CNN2: variants seen among roughly 807,000 people sequenced by gnomAD.
The protein encoded by CNN2 is calponin-2.
A neutral mutation model predicts 31.0 loss-of-function variants in CNN2; 21 were observed. The observed-to-expected ratio is 0.68, with a 90% CI of 0.48 to 0.98. The LOEUF is 0.98. Among genes scored for constraint, CNN2 ranks in the 50% least tolerant of loss-of-function variants. CNN2 has a pLI of 0.00. For synonymous variants in CNN2, 165 were observed against 179.6 expected (o/e 0.92, Z 0.65); for missense variants, 399 against 427.3 (o/e 0.93, Z 0.58).
In CNN2 at chr19:1,036,401, C is replaced by T. The variant is rs370696079; in HGVS notation, c.508-15C>T. 20 of 1,611,774 alleles carry T rather than the reference C, an allele frequency of 1.2e-5. No individual in the cohort carries two copies. The highest frequency in any genetic ancestry group is 4.5e-5 in the East Asian group (2 of 44,826). ...GTTGGGTGCAGTCTGACCTCTCCCACGAACCTCCCTGCAGATGGGCACCAA... is the reference window on the plus strand; with the variant it reads ...GTTGGGTGCAGTCTGACCTCTCCCATGAACCTCCCTGCAGATGGGCACCAA... On this transcript the variant is annotated splice_polypyrimidine_tract_variant and intron_variant, in intron 5 of 6. Transcript: ENST00000263097.
intron 1 of CNN2, among the ~76,000 whole-genome samples, chr19:1,028,400 C>G (rs1316067231): frequency 6.6e-6 from 1 of 151,934 alleles, no homozygotes; most frequent in Non-Finnish European, 1.5e-5. Context: ...GCCAGGGTCA[C>G]GGAAGGGTCG....
intron 6 of CNN2, 104 bp from the exon 7 acceptor site, chr19:1,037,521 C>T: frequency 7.0e-7 from 1 of 1,433,172 alleles, no homozygotes; most frequent in Non-Finnish European, 9.6e-7. Context: ...ATCCTCCCAC[C>T]TTGGCCTCCC....
intron 2 of CNN2, among the ~76,000 whole-genome samples, chr19:1,031,564 CAAAAAAAAAAAAA>C (rs536524090): frequency 1.5e-5 from 1 of 66,336 alleles, no homozygotes. Context: ...GACTCCATCT[CAAAAAAAAAAAAA>C]AAAAAAAAAA....
chr19:1,030,189 C>T (rs147190039), intron 1 of CNN2, among the ~76,000 whole-genome samples: 7 of 152,288 alleles, frequency 4.6e-5, no homozygotes, highest in South Asian at 2.1e-4. Context: ...CAGCCCATTC[C>T]CCACGGCGGT....
rs764187454 is a variant in CNN2, at chr19:1,032,609, C to T, written c.303C>T (p.Asn101=). The change falls in exon 4 of 7, where the codon AAC becomes AAT. Residue 101 remains asparagine, a synonymous_variant. Coordinates refer to ENST00000263097, the MANE Select transcript of CNN2 (RefSeq NM_004368.4). ...FIKAMVSYGM[N]PVDLFEANDL... Reference sequence around the variant, plus strand: ...AGGCCATGGTCAGCTACGGCATGAACCCTGTGGACCTGTTCGAGGCCAACG... The same window carrying T: ...AGGCCATGGTCAGCTACGGCATGAATCCTGTGGACCTGTTCGAGGCCAACG... The T allele has an allele frequency of 1.2e-6, 2 of 1,612,918 alleles. No homozygotes were observed. The highest frequency in any genetic ancestry group is 1.7e-6 in the Non-Finnish European group (2 of 1,180,032).
chr19:1,031,093 A>C lies in CNN2; in HGVS notation c.86A>C (p.Gln29Pro). The C allele has an allele frequency of 6.2e-7, 1 of 1,613,080 alleles. No homozygotes were observed. Among genetic ancestry groups the C allele is most frequent in the Non-Finnish European group, 8.5e-7 (1 of 1,179,710 alleles). ...CAGCTCCTGTCCAAATATGACCCCCAGAAGGAGGCAGAGCTCCGCACCTGG... is the reference window on the plus strand; with the variant it reads ...CAGCTCCTGTCCAAATATGACCCCCCGAAGGAGGCAGAGCTCCGCACCTGG... Reference protein sequence around the residue: ...KNRLLSKYDPQKEAELRTWIE... With the variant: ...KNRLLSKYDPPKEAELRTWIE... The change falls in exon 2 of 7, where the codon CAG becomes CCG. Residue 29 changes from glutamine to proline, a missense_variant. Coordinates refer to ENST00000263097, the MANE Select transcript of CNN2 (RefSeq NM_004368.4).
At position 1,037,832 on chromosome 19, in the gene CNN2, G is replaced by A. The variant is rs771767261; in HGVS notation, c.862G>A (p.Gly288Ser). 3.0e-5 allele frequency: 49 copies of A among 1,607,710 alleles called. No individual in the cohort carries two copies. The highest frequency in any genetic ancestry group is 4.2e-5 in the Non-Finnish European group (49 of 1,176,980). The change falls in exon 7 of 7, where the codon GGC becomes AGC. Residue 288 changes from glycine to serine, a missense_variant. By Grantham distance (56) the Gly-to-Ser change is moderately conservative. Transcript: ENST00000263097. ...TVADGAPSGT[G>S]DCPDPGEVPE... is the part of the protein sequence containing the mutation. Reference sequence around the variant, plus strand: ...GGCCGATGGGGCTCCCTCGGGCACCGGCGACTGCCCGGACCCGGGGGAGGT... The same window carrying A: ...GGCCGATGGGGCTCCCTCGGGCACCAGCGACTGCCCGGACCCGGGGGAGGT...
chr19:1,031,214 G>A (rs1172607247), intron 2 of CNN2, 22 bp downstream of exon 2: 1 of 1,574,696 alleles, frequency 6.4e-7, no homozygotes, highest in African/African-American at 1.4e-5. Context: ...CAGGGACACA[G>A]GCTGTCTCAC....
At chr19:1,028,586 T>TG (rs1269433080) in intron 1 of CNN2, among the ~76,000 whole-genome samples, 4 of 152,044 alleles carry the variant, frequency 2.6e-5, no homozygotes, top group Non-Finnish European at 5.9e-5. Context: ...CATCCCGGCT[T>TG]GGGGGTCCGG....
chr19:1,035,447 C>T (rs1276095619), intron 4 of CNN2, among the ~76,000 whole-genome samples: 3 of 152,046 alleles, frequency 2.0e-5, no homozygotes, highest in East Asian at 3.8e-4. Context: ...AGGGAGGAGC[C>T]GGGCGCAGAC....
intron 1 of CNN2, chr19:1,026,974 T>G: frequency 8.7e-6 from 4 of 462,048 alleles, no homozygotes; most frequent in East Asian, 8.5e-5. Context: ...CCCCAACATC[T>G]AGGGGTAGTT....
At chr19:1,031,594 A>T (rs988877880) in intron 2 of CNN2, among the ~76,000 whole-genome samples, 2 of 137,302 alleles carry the variant, frequency 1.5e-5, no homozygotes, top group African/African-American at 2.7e-5. Context: ...AAAAAAAGTT[A>T]GCTGGGCGTG....
chr19:1,031,338 T>TCGGGGG (rs1555674878), intron 2 of CNN2, 146 bp downstream of exon 2: 9 of 34,386 alleles, frequency 2.6e-4, no homozygotes, highest in Non-Finnish European at 4.5e-4. Context: ...CCGAGGGTGG[T>TCGGGGG]GGCGGGGGGC....
Position 1,026,615 on chromosome 19 carries a change from TC to T in CNN2, c.-44del, listed in dbSNP as rs1568415868. The T allele has an allele frequency of 6.9e-7, 1 of 1,457,050 alleles. No homozygotes were observed. The highest frequency in any genetic ancestry group is 1.3e-5 in the South Asian group (1 of 77,288). 90.3% of individuals were successfully genotyped at this position (1,457,050 alleles called of 1,614,324 possible). A position where few individuals can be genotyped will look rare whatever the true frequency, so the allele number is the denominator to read the frequency against. On this transcript the variant is annotated 5_prime_UTR_variant, in exon 1 of 7. Transcript: ENST00000263097. The stretch of plus-strand genomic sequence containing the variant: ...ACCCCGCGCCAGCCCGGCGGTCCCG[TC>T]CCGTCCCGTCCTGTGCGGCCCCGTC...
intron 2 of CNN2, among the ~76,000 whole-genome samples, chr19:1,031,515 A>G (rs1460502355): frequency 7.9e-6 from 1 of 126,264 alleles, no homozygotes; most frequent in Non-Finnish European, 1.6e-5. Context: ...CAGTGAGCCG[A>G]GATCACACCA....
chr19:1,026,746 TC>T, intron 1 of CNN2, 22 bp downstream of exon 1: 3 of 1,544,928 alleles, frequency 1.9e-6, no homozygotes, highest in Non-Finnish European at 2.6e-6. Context: ...GCGCCCCTTG[TC>T]CCCCCGACAG....
At chr19:1,036,395 C>A in intron 5 of CNN2, 21 bp from the exon 6 acceptor site, 1 of 1,611,768 alleles carries the variant, frequency 6.2e-7, no homozygotes, top group Non-Finnish European at 8.5e-7. Flanking sequence ...AGTCTGACCT[C>A]TCCCACGAAC....
intron 4 of CNN2, 106 bp from the exon 5 acceptor site, chr19:1,036,024 G>A: frequency 2.1e-6 from 3 of 1,449,626 alleles, no homozygotes; most frequent in Non-Finnish European, 2.7e-6. Context: ...TGCGCGGCAG[G>A]CAGAGGTGAC....
intron 1 of CNN2, among the ~76,000 whole-genome samples, chr19:1,029,708 CT>C (rs111505014): frequency 5.2e-4 from 76 of 146,000 alleles, no homozygotes; most frequent in African/African-American, 7.3e-4. Context: ...TCTTTTCTTT[CT>C]TTTTTTTTTT....
Sources: allele counts gnomAD v4.1 joint callset (sites outside exome capture counted in the v4.1 genomes callset), GRCh38; gene constraint gnomAD v4.1.1; transcripts MANE v1.5; gene names NCBI Gene and HGNC (gene_info 2026-07-23, HGNC 2026-07-21).